Variants in ETS1 observed in about 807,000 individuals in gnomAD.
ETS1 encodes protein C-ets-1.
Under a neutral mutation model 58.6 loss-of-function variants are expected in ETS1, and 15 were observed. The observed-to-expected ratio is 0.26, with a 90% CI of 0.17 to 0.39. The LOEUF (loss-of-function observed/expected upper bound fraction) is 0.39. Among genes scored for constraint, ETS1 ranks in the 10% least tolerant of loss-of-function variants. ETS1 has a pLI of 1.00. For missense variants in ETS1, 417 were observed against 610.5 expected (o/e 0.68, Z 3.34); for synonymous variants, 214 against 218.2 (o/e 0.98, Z 0.17).
At chr11:128,507,945 A>C (rs1863286751) in intron 3 of ETS1, among the ~76,000 whole-genome samples, 1 of 152,232 alleles carries the variant, frequency 6.6e-6, no homozygotes, top group Admixed American at 6.5e-5. Flanking sequence ...AATTAAAATA[A>C]TTTTAAATCC....
intron 5 of ETS1, among the ~76,000 whole-genome samples, chr11:128,487,584 C>T (rs567563768): frequency 6.6e-6 from 1 of 152,080 alleles, no homozygotes; most frequent in Non-Finnish European, 1.5e-5. Context: ...ACTAAAAATA[C>T]AAAAATTAGC....
At chr11:128,579,917 T>G (rs1246896154) in intron 1 of ETS1, among the ~76,000 whole-genome samples, 2 of 152,046 alleles carry the variant, frequency 1.3e-5, no homozygotes, top group African/African-American at 4.8e-5. Flanking sequence ...ATGGACCTCC[T>G]TGATGCCCCT....
rs531114610 is a variant in ETS1, at chr11:128,549,257, GCGCCCCT to G, written c.214+7027_214+7033del. Among the ~76,000 whole-genome samples, 2,023 of 129,646 alleles carry G rather than the reference GCGCCCCT, an allele frequency of 0.016. 51 individuals carry two copies. Among genetic ancestry groups the G allele is most frequent in the African/African-American group, 0.054 (1,834 of 34,018 alleles). The allele number at this position is 129,646 out of a possible 152,430, so 85.1% of individuals were successfully genotyped here. ...GCCCGCCCCCACCCTCCACTCTCAC[GCGCCCCT>G]CGCCCCTCGCCCCTCGCCCCTCGCC... is the stretch of plus-strand genomic sequence containing the variant. On this transcript the variant is annotated intron_variant, in intron 3 of 9. Transcript: ENST00000392668. The surrounding 1 kb of genome is among the most constrained non-coding windows in gnomAD (Gnocchi z 4.3).
Position 128,466,353 on chromosome 11 carries a change from G to A in ETS1, c.1124-2726C>T, listed in dbSNP as rs528382208. 1.1e-4 allele frequency among the ~76,000 whole-genome samples: 17 copies of A among 152,320 alleles called. No individual in the cohort carries two copies. The East Asian group carries it at 2.1e-3, about 19-fold the overall frequency. Reference sequence around the variant, plus strand: ...GAAGATCGAGATCCTTCCCCCGGATGAGTCTTTGGCAGGGAGCTGTCAGCA... The same window carrying A: ...GAAGATCGAGATCCTTCCCCCGGATAAGTCTTTGGCAGGGAGCTGTCAGCA... On this transcript the variant is annotated intron_variant, in intron 8 of 9. Transcript: ENST00000392668.
chr11:128,499,766 C>T (rs377385368), intron 3 of ETS1, among the ~76,000 whole-genome samples: 8 of 152,264 alleles, frequency 5.3e-5, no homozygotes, highest in Non-Finnish European at 8.8e-5. Context: ...GGTCAAACCT[C>T]GGCTCGGGGC....
chr11:128,584,622 C>A (rs1281790233), intron 1 of ETS1, among the ~76,000 whole-genome samples: 1 of 152,052 alleles, frequency 6.6e-6, no homozygotes, highest in East Asian at 1.9e-4. Flanking sequence ...GATATGATAA[C>A]TAGAAAATCA....
intron 3 of ETS1, chr11:128,522,139 T>C (rs1328533233): frequency 2.3e-6 from 3 of 1,318,132 alleles, no homozygotes; most frequent in Middle Eastern, 2.7e-4. Flanking sequence ...GCTGCCTTTC[T>C]TTCCCCCGCG....
At chr11:128,542,311 T>A (rs1864068634) in intron 3 of ETS1, among the ~76,000 whole-genome samples, 1 of 151,998 alleles carries the variant, frequency 6.6e-6, no homozygotes, top group Admixed American at 6.6e-5. Flanking sequence ...AAAGCAGATG[T>A]GAGCTAGAAT....
intron 3 of ETS1, among the ~76,000 whole-genome samples, chr11:128,544,370 G>T (rs969803222): frequency 7.8e-4 from 58 of 74,528 alleles, no homozygotes; most frequent in Admixed American, 1.0e-3. Flanking sequence ...TATATATATG[G>T]AATTTCCCTC....
At chr11:128,582,483 C>T (rs1411933903) in intron 1 of ETS1, among the ~76,000 whole-genome samples, 2 of 152,140 alleles carry the variant, frequency 1.3e-5, no homozygotes, top group Admixed American at 6.5e-5. Flanking sequence ...ACTAATGTCA[C>T]TAATTAGTAA....
At chr11:128,543,323 G>A (rs1591652526) in intron 3 of ETS1, among the ~76,000 whole-genome samples, 1 of 152,042 alleles carries the variant, frequency 6.6e-6, no homozygotes, top group East Asian at 1.9e-4. Flanking sequence ...AAAAGATTAT[G>A]CATTTCAAAG....
rs759107669 is a variant in ETS1 at position 128,490,488 on chromosome 11, A to G, written c.303T>C (p.Thr101=). The change falls in exon 4 of 10, where the codon ACT becomes ACC. Residue 101 remains threonine (T), a synonymous_variant. Coordinates refer to ENST00000392668, the MANE Select transcript of ETS1 (RefSeq NM_001143820.2). ...GGATCCCCAGTCGTTGCTGTTCTTT[A>G]GTGAAACCACTGAAAGTAGCTTTTA... is the stretch of plus-strand genomic sequence containing the variant. The part of the protein sequence containing the change: ...QALKATFSGF[T]KEQQRLGIPK... The G allele has an allele frequency of 4.0e-5, 65 of 1,612,772 alleles. No individual in the cohort carries two copies. The highest frequency in any genetic ancestry group is 4.8e-5 in the Non-Finnish European group (57 of 1,179,236).
chr11:128,540,599 A>G (rs560281925), intron 3 of ETS1, among the ~76,000 whole-genome samples: 1 of 152,308 alleles, frequency 6.6e-6, no homozygotes, highest in East Asian at 1.9e-4. Context: ...TTAAGACCAT[A>G]TGCTTCACCA....
chr11:128,466,993 C>T (rs1862055438), intron 8 of ETS1, among the ~76,000 whole-genome samples: 1 of 152,140 alleles, frequency 6.6e-6, no homozygotes, highest in African/African-American at 2.4e-5. Context: ...AGGGCTCACC[C>T]TTCAGAAAGC....
chr11:128,485,125 G>A, intron 6 of ETS1, 54 bp from the exon 7 acceptor site: 1 of 1,554,474 alleles, frequency 6.4e-7, no homozygotes, highest in African/African-American at 1.4e-5. Flanking sequence ...CCTAAAATAA[G>A]CAGTTTTCAC....
intron 3 of ETS1, among the ~76,000 whole-genome samples, chr11:128,540,669 G>A (rs999982911): frequency 2.0e-5 from 3 of 152,182 alleles, no homozygotes; most frequent in African/African-American, 7.2e-5. Context: ...TTCCTAAGTG[G>A]CTTAGAGAGA....
At chr11:128,505,361 GC>G in intron 3 of ETS1, 1 of 152,320 alleles carries the variant, frequency 6.6e-6, no homozygotes, top group African/African-American at 2.4e-5. Flanking sequence ...CCCCAGAAAG[GC>G]CATGGCCTGA....
intron 1 of ETS1, among the ~76,000 whole-genome samples, chr11:128,573,994 G>C (rs898127626): frequency 5.3e-5 from 8 of 152,196 alleles, no homozygotes; most frequent in African/African-American, 1.9e-4. Flanking sequence ...CTGCTTTCCA[G>C]TTTGTATTTG....
intron 1 of ETS1, among the ~76,000 whole-genome samples, chr11:128,579,745 A>G (rs937840498): frequency 6.6e-6 from 1 of 152,104 alleles, no homozygotes; most frequent in African/African-American, 2.4e-5. Context: ...CTTTTGCCAA[A>G]CTAAAGGCAA....
Sources: gnomAD v4.1 joint callset for allele counts (sites outside exome capture counted in the v4.1 genomes callset) on GRCh38, gnomAD v4.1.1 for gene constraint, Gnocchi (gnomAD v3.1) non-coding constraint, MANE v1.5 for transcripts, NCBI Gene and HGNC (gene_info 2026-07-23, HGNC 2026-07-21) for gene names.